The following PXDNL variants were observed in gnomAD, a reference collection of about 807,000 sequenced individuals.
PXDNL encodes the protein peroxidasin like, also known as probable oxidoreductase PXDNL.
In PXDNL, 145 loss-of-function variants were observed where a neutral mutation model predicts 150.8. The observed-to-expected ratio is 0.96, with a 90% CI of 0.84 to 1.10. The LOEUF is 1.10. Among genes scored for constraint, PXDNL ranks in the 50% least tolerant of loss-of-function variants. The pLI is 0.00. For missense variants in PXDNL, 2,087 were observed against 1,873.9 expected, an observed-to-expected ratio of 1.11 and a Z score of -2.10; for synonymous variants, 757 against 725.7, an observed-to-expected ratio of 1.04 and a Z score of -0.69.
intron 12 of PXDNL, among the ~76,000 whole-genome samples, chr8:51,443,573 A>G (rs560668617): frequency 3.3e-5 from 5 of 152,242 alleles, no homozygotes; most frequent in Non-Finnish European, 7.3e-5. Context: ...CTGAGAATTT[A>G]AAAATTTATG....
At chr8:51,714,344 C>T (rs903055824) in intron 1 of PXDNL, among the ~76,000 whole-genome samples, 2 of 152,156 alleles carry the variant, frequency 1.3e-5, no homozygotes, top group African/African-American at 2.4e-5. Context: ...GCGCTATTAT[C>T]CACCATCTTC....
At chr8:51,746,353 CCACGGAA>C (rs2036984463) in intron 1 of PXDNL, among the ~76,000 whole-genome samples, 2 of 152,202 alleles carry the variant, frequency 1.3e-5, no homozygotes, top group Non-Finnish European at 2.9e-5. Context: ...TGGCCACCAA[CCACGGAA>C]CTCCTTGAAA....
intron 1 of PXDNL, among the ~76,000 whole-genome samples, chr8:51,789,457 G>A (rs2037490821): frequency 6.6e-6 from 1 of 152,132 alleles, no homozygotes; most frequent in Non-Finnish European, 1.5e-5. Context: ...TAGTGCCAGG[G>A]CAGCTCTTGG....
intron 17 of PXDNL, among the ~76,000 whole-genome samples, chr8:51,404,350 A>C (rs1808372014): frequency 6.6e-6 from 1 of 152,148 alleles, no homozygotes; most frequent in African/African-American, 2.4e-5. Context: ...GTCTGGTTTG[A>C]CAGGGTGCTG....
At chr8:51,559,157 A>G (rs1016007345) in intron 3 of PXDNL, among the ~76,000 whole-genome samples, 3 of 152,014 alleles carry the variant, frequency 2.0e-5, no homozygotes, top group Non-Finnish European at 4.4e-5. Flanking sequence ...TTAACATTTT[A>G]TAATTCTCAA....
chr8:51,490,837 A>G (rs1167112743), intron 5 of PXDNL, among the ~76,000 whole-genome samples: 1 of 151,932 alleles, frequency 6.6e-6, no homozygotes, highest in Non-Finnish European at 1.5e-5. Flanking sequence ...ACAGTTGAAA[A>G]TGAATGAAAT....
At chr8:51,428,843 C>T (rs144489812) in intron 12 of PXDNL, among the ~76,000 whole-genome samples, 2 of 152,036 alleles carry the variant, frequency 1.3e-5, no homozygotes, top group South Asian at 4.2e-4. Flanking sequence ...AAATGATAAT[C>T]AGGATTTCAC....
chr8:51,447,184 G>C, intron 11 of PXDNL, 22 bp from the exon 12 acceptor site: 1 of 1,611,122 alleles, frequency 6.2e-7, no homozygotes, highest in East Asian at 2.2e-5. Flanking sequence ...GGTAAAGAAA[G>C]TATTCTTCAT....
rs141669069 is a variant in PXDNL at position 51,527,896 on chromosome 8, C to T, written c.381-28126G>A. Among the ~76,000 whole-genome samples the T allele has an allele frequency of 3.4e-3, 483 of 143,414 alleles. 6 individuals carry two copies. The highest frequency in any genetic ancestry group is 0.011 in the African/African-American group (426 of 38,734). The allele number at this position is 143,414 out of a possible 152,430, so 94.1% of individuals were successfully genotyped here. ...TGCTTGGAGGTTAGGAGTGTGGATC[C>T]GGGGCCCAGCTCCTGGGTTCCAGTC... On this transcript the variant is annotated intron_variant, in intron 4 of 22. Transcript: ENST00000356297.
chr8:51,661,775 G>A (rs759079666), intron 1 of PXDNL, among the ~76,000 whole-genome samples: 6 of 152,188 alleles, frequency 3.9e-5, no homozygotes, highest in South Asian at 2.1e-4. Context: ...GAAAGGAAGG[G>A]CATTCCCTGT....
In PXDNL at chr8:51,588,585, T is replaced by G. The variant is rs147501003; in HGVS notation, c.308+4042A>C. Reference sequence around the variant, plus strand: ...CTGCAACATTGAACATCTGTCTTATTCAAAATTAATTTCCTGCTAATAACT... The same window carrying G: ...CTGCAACATTGAACATCTGTCTTATGCAAAATTAATTTCCTGCTAATAACT... On this transcript the variant is annotated intron_variant, in intron 3 of 22. Transcript: ENST00000356297. Among the ~76,000 whole-genome samples, 15 of 152,366 alleles carry G rather than the reference T, an allele frequency of 9.8e-5. No individual in the cohort carries two copies. The East Asian group carries it at 2.9e-3, about 29-fold the overall frequency.
rs1806287339 is a variant in PXDNL, at chr8:51,350,010, A to G, written c.3902-4063T>C. 2.6e-5 allele frequency among the ~76,000 whole-genome samples: 4 copies of G among 152,318 alleles called. No homozygotes were observed. The South Asian group carries it at 6.2e-4, about 24-fold the overall frequency. ...TTGAGAATGAATGCATTCATATTGC[A>G]TATGAAACATCTCTGTTGTCTGGGG... On this transcript the variant is annotated intron_variant, in intron 19 of 22. Coordinates refer to ENST00000356297, the MANE Select transcript of PXDNL (RefSeq NM_144651.5).
rs532987776 is a variant in PXDNL at position 51,616,817 on chromosome 8, T to C, written c.237-24119A>G. 3.9e-5 allele frequency among the ~76,000 whole-genome samples: 6 copies of C among 152,334 alleles called. No individual in the cohort carries two copies. In the East Asian group the frequency reaches 1.2e-3, roughly 29 times the overall value. On this transcript the variant is annotated intron_variant, in intron 2 of 22. Coordinates refer to ENST00000356297, the MANE Select transcript of PXDNL (RefSeq NM_144651.5). ...TATTTTCAATCCGAGGTCAGTTGAA[T>C]CCAAATTTGAAACCCACAGATGTGA...
intron 2 of PXDNL, among the ~76,000 whole-genome samples, chr8:51,628,644 C>A (rs1193763515): frequency 1.3e-5 from 2 of 151,654 alleles, no homozygotes; most frequent in Non-Finnish European, 2.9e-5. Context: ...ACCTTGTGAT[C>A]CACCCACCTT....
chr8:51,470,911 G>C, intron 8 of PXDNL, among the ~76,000 whole-genome samples: 1 of 151,906 alleles, frequency 6.6e-6, no homozygotes. Flanking sequence ...ATACCATTCA[G>C]GACATAGGCA....
intron 2 of PXDNL, among the ~76,000 whole-genome samples, chr8:51,620,281 T>G (rs976333753): frequency 6.6e-6 from 1 of 152,198 alleles, no homozygotes; most frequent in African/African-American, 2.4e-5. Context: ...TTCTATATTT[T>G]GAAGGTTTCA....
intron 4 of PXDNL, among the ~76,000 whole-genome samples, chr8:51,526,315 C>T (rs1811769360): frequency 6.6e-6 from 1 of 151,870 alleles, no homozygotes; most frequent in Admixed American, 6.6e-5. Flanking sequence ...GAAATCTTCC[C>T]GTACCACTAA....
At chr8:51,689,713 C>T (rs531037608) in intron 1 of PXDNL, among the ~76,000 whole-genome samples, 3 of 152,218 alleles carry the variant, frequency 2.0e-5, no homozygotes, top group African/African-American at 7.2e-5. Context: ...AAGTTATGTC[C>T]TAGCAACTTT....
At chr8:51,809,076 A>T in intron 1 of PXDNL, 105 bp downstream of exon 1, 1 of 1,197,704 alleles carries the variant, frequency 8.3e-7, no homozygotes, top group East Asian at 2.4e-5. Flanking sequence ...TAAGTATACA[A>T]GCAGGGAGAG....
Sources: allele counts gnomAD v4.1 joint callset (sites outside exome capture counted in the v4.1 genomes callset), GRCh38; gene constraint gnomAD v4.1.1; transcripts MANE v1.5; gene names NCBI Gene and HGNC (gene_info 2026-07-23, HGNC 2026-07-21).